The following LAMB1 variants were observed in gnomAD, a reference collection of about 807,000 sequenced individuals.
LAMB1 encodes the protein laminin subunit beta-1.
A neutral mutation model predicts 222.3 loss-of-function variants in LAMB1; 121 were observed. That is an observed-to-expected ratio of 0.54 (90% CI 0.47 to 0.63). The LOEUF is 0.63. Ranked by LOEUF, LAMB1 falls within the 30% of genes least tolerant of loss-of-function variation. LAMB1 has a pLI of 0.00. For missense variants in LAMB1, 2,172 were observed against 2,240.8 expected (o/e 0.97, Z 0.62); for synonymous variants, 794 against 807.2 (o/e 0.98, Z 0.28).
intron 11 of LAMB1, 40 bp from the exon 12 acceptor site, chr7:107,975,138 G>A (rs758771908): frequency 1.5e-5 from 23 of 1,526,056 alleles, no homozygotes; most frequent in South Asian, 3.4e-5. Context: ...CACAGACCAC[G>A]TGAGTTTCAA....
intron 5 of LAMB1, among the ~76,000 whole-genome samples, chr7:107,987,052 A>G (rs894745204): frequency 6.6e-6 from 1 of 152,268 alleles, no homozygotes; most frequent in Non-Finnish European, 1.5e-5. Flanking sequence ...GGAACAACCC[A>G]TGTACCCATC....
At chr7:107,938,510 AAG>A (rs1175305133) in intron 25 of LAMB1, among the ~76,000 whole-genome samples, 1 of 152,182 alleles carries the variant, frequency 6.6e-6, no homozygotes, top group African/African-American at 2.4e-5. Context: ...GTTGAAAAAA[AAG>A]AGTAATGGAA....
At chr7:107,935,792 G>T in intron 26 of LAMB1, 136 bp from the exon 27 acceptor site, 1 of 1,000,336 alleles carries the variant, frequency 1.0e-6, no homozygotes, top group Non-Finnish European at 1.4e-6. Flanking sequence ...TATTTATGAA[G>T]TACAGTTTTC....
chr7:107,981,114 C>A (rs144724455), intron 7 of LAMB1, among the ~76,000 whole-genome samples: 1 of 152,072 alleles, frequency 6.6e-6, no homozygotes, highest in South Asian at 2.1e-4. Flanking sequence ...GAGTTCGAGA[C>A]CTGCCTGGCC....
At chr7:108,003,039 C>G in intron 1 of LAMB1, 68 bp from the exon 2 acceptor site, 8 of 1,442,534 alleles carry the variant, frequency 5.5e-6, no homozygotes, top group Non-Finnish European at 7.2e-6. Flanking sequence ...CTTCCATTTC[C>G]TGTCGCTCCC....
At chr7:107,965,085 T>C (rs1584512835) in intron 13 of LAMB1, among the ~76,000 whole-genome samples, 2 of 152,210 alleles carry the variant, frequency 1.3e-5, no homozygotes, top group Non-Finnish European at 2.9e-5. Context: ...CCAACGGATC[T>C]AAGACAGAAG....
intron 20 of LAMB1, among the ~76,000 whole-genome samples, chr7:107,958,656 A>G (rs372715962): frequency 6.6e-6 from 1 of 152,226 alleles, no homozygotes; most frequent in East Asian, 1.9e-4. Flanking sequence ...TAACTTTTTC[A>G]TACGGAGTAT....
At position 107,940,228 on chromosome 7, in the gene LAMB1, A is replaced by C. The variant is rs1426804618; in HGVS notation, c.3522T>G (p.Pro1174=). ...AGCACTGGTGGCAGGGTGTGCAGTC[A>C]GGGAAGACCCCCGAGTACCCTCGCG... ...KCTRGYSGVF[P]DCTPCHQCFA... The change falls in exon 25 of 34, where the codon CCT becomes CCG. Residue 1174 remains proline (P), a synonymous_variant. Transcript: ENST00000222399. The C allele has an allele frequency of 6.2e-7, 1 of 1,614,214 alleles. No individual in the cohort carries two copies. Among genetic ancestry groups the C allele is most frequent in the East Asian group, 2.2e-5 (1 of 44,880 alleles).
intron 5 of LAMB1, among the ~76,000 whole-genome samples, chr7:107,987,225 C>G (rs901144057): frequency 6.6e-6 from 1 of 152,190 alleles, no homozygotes; most frequent in South Asian, 2.1e-4. Context: ...TGTGATTCCA[C>G]TTGTATGAAA....
intron 31 of LAMB1, among the ~76,000 whole-genome samples, chr7:107,926,917 A>AC (rs1366239106): frequency 1.3e-5 from 2 of 152,186 alleles, no homozygotes; most frequent in East Asian, 3.8e-4. Flanking sequence ...ACACAAAGTT[A>AC]TTTAGGGAAA....
At position 107,960,436 on chromosome 7, in the gene LAMB1, A is replaced by G. The variant is rs1242099485; in HGVS notation, c.2314+9T>C. On this transcript the variant is annotated intron_variant, in intron 18 of 33. Transcript: ENST00000222399. ...ACAGCAGCTGCTGCAGCTGCCCAGC[A>G]ATACCTACCCAGGCCTGTCTGGTGT... 1.2e-6 allele frequency: 2 copies of G among 1,610,304 alleles called. No individual in the cohort carries two copies. The highest frequency in any genetic ancestry group is 3.3e-5 in the Admixed American group (2 of 60,016).
chr7:107,959,502 G>C lies in LAMB1; in HGVS notation c.2459-22C>G, dbSNP rs114203275. On this transcript the variant is annotated intron_variant, in intron 19 of 33. Coordinates refer to ENST00000222399, the MANE Select transcript of LAMB1 (RefSeq NM_002291.3). ...CAAGCTAAAGAAACAGGCAAACAAG[G>C]AACTGCCTTGAGAAACTCATTCAAT... The C allele has an allele frequency of 3.7e-6, 6 of 1,612,962 alleles. No individual in the cohort carries two copies. In the Admixed American group the frequency reaches 5.0e-5, roughly 13 times the overall value.
Position 107,935,708 on chromosome 7 carries a change from C to T in LAMB1, c.3947-52G>A, listed in dbSNP as rs768290376. 1.9e-6 allele frequency: 3 copies of T among 1,588,036 alleles called. No individual in the cohort carries two copies. The South Asian group carries it at 3.4e-5, about 18-fold the overall frequency. On this transcript the variant is annotated intron_variant, in intron 26 of 33. Coordinates refer to ENST00000222399, the MANE Select transcript of LAMB1 (RefSeq NM_002291.3). ...AGTTAACCTCATCATACTAGGCTTC[C>T]TCCCCAAGCAGTGTCTATATTTGGT...
intron 7 of LAMB1, among the ~76,000 whole-genome samples, chr7:107,983,396 A>G (rs1285211121): frequency 6.6e-6 from 1 of 152,152 alleles, no homozygotes; most frequent in African/African-American, 2.4e-5. Flanking sequence ...CTTTCATTCC[A>G]ACATTTGGAA....
chr7:107,954,048 G>C (rs1246287089), intron 21 of LAMB1, among the ~76,000 whole-genome samples: 1 of 152,182 alleles, frequency 6.6e-6, no homozygotes, highest in East Asian at 1.9e-4. Context: ...GCTGTGGACA[G>C]TTAGGTCCTA....
chr7:107,963,886 G>T (rs964284923), intron 14 of LAMB1, among the ~76,000 whole-genome samples: 1 of 152,216 alleles, frequency 6.6e-6, no homozygotes, highest in Non-Finnish European at 1.5e-5. Context: ...ATCACCTGAG[G>T]TCGGGAGTTC....
At chr7:108,001,144 G>T (rs1414253883) in intron 3 of LAMB1, among the ~76,000 whole-genome samples, 1 of 152,172 alleles carries the variant, frequency 6.6e-6, no homozygotes, top group Non-Finnish European at 1.5e-5. Flanking sequence ...CTTGCAAGAC[G>T]CCTGTCATTG....
chr7:107,935,347 G>GTTTTTTTTTT lies in LAMB1; in HGVS notation c.4188+58_4188+67dup, dbSNP rs200599445. On this transcript the variant is annotated intron_variant, in intron 27 of 33. Coordinates refer to ENST00000222399, the MANE Select transcript of LAMB1 (RefSeq NM_002291.3). ...GACAAAAGATGGTTTGTTTTTCTTTGTTTTTTTTTTTTTTTTTTTTTTTTT... is the reference window on the plus strand; with the variant it reads ...GACAAAAGATGGTTTGTTTTTCTTTGTTTTTTTTTTTTTTTTTTTTTTTTTTTTTTTTTTT... 1,114 of 1,173,190 alleles carry GTTTTTTTTTT rather than the reference G, an allele frequency of 9.5e-4. 34 individuals carry two copies. The highest frequency in any genetic ancestry group is 4.7e-3 in the African/African-American group (196 of 41,516). The allele number at this position is 1,173,190 out of a possible 1,614,324, so 72.7% of individuals were successfully genotyped here.
chr7:107,946,953 C>T (rs572211747), intron 24 of LAMB1, among the ~76,000 whole-genome samples: 1 of 152,320 alleles, frequency 6.6e-6, no homozygotes, highest in South Asian at 2.1e-4. Flanking sequence ...TGCCCTTTTC[C>T]AAGAGCCAGA....
Sources: gnomAD v4.1 joint callset for allele counts (sites outside exome capture counted in the v4.1 genomes callset) on GRCh38, gnomAD v4.1.1 for gene constraint, MANE v1.5 for transcripts, NCBI Gene and HGNC (gene_info 2026-07-23, HGNC 2026-07-21) for gene names.